JAKMIP1: variants seen among roughly 807,000 people sequenced by gnomAD.
The protein encoded by JAKMIP1 is janus kinase and microtubule-interacting protein 1.
A neutral mutation model predicts 113.0 loss-of-function variants in JAKMIP1; 33 were observed. That is an observed-to-expected ratio of 0.29 (90% CI 0.22 to 0.39). The LOEUF is 0.39. Ranked by LOEUF, JAKMIP1 falls within the 10% of genes least tolerant of loss-of-function variation. The pLI is 1.00. For synonymous variants in JAKMIP1, 480 were observed against 459.9 expected, an observed-to-expected ratio of 1.04 and a Z score of -0.56; for missense variants, 813 against 1,080.5, an observed-to-expected ratio of 0.75 and a Z score of 3.47.
In JAKMIP1 at chr4:6,136,592, C is replaced by T. The variant is rs1719285416; in HGVS notation, c.-147-23595G>A. Among the ~76,000 whole-genome samples the T allele has an allele frequency of 6.6e-6, 1 of 152,180 alleles. No individual in the cohort carries two copies. Among genetic ancestry groups the T allele is most frequent in the African/African-American group, 2.4e-5 (1 of 41,454 alleles). On this transcript the variant is annotated intron_variant, in intron 1 of 20. Transcript: ENST00000409021. The surrounding 1 kb of genome is among the most constrained non-coding windows in gnomAD (Gnocchi z 5.9). ...TCCACGGTCACACAACCAAGGATGGCTCGTGTCACCTGCACCTTGCTCGAC... is the reference window on the plus strand; with the variant it reads ...TCCACGGTCACACAACCAAGGATGGTTCGTGTCACCTGCACCTTGCTCGAC...
intron 10 of JAKMIP1, 112 bp downstream of exon 10, chr4:6,062,200 C>A: frequency 8.5e-7 from 1 of 1,176,502 alleles, no homozygotes; most frequent in Non-Finnish European, 1.3e-6. Context: ...TCCCCACCAC[C>A]TCTCAGAATC....
rs1718358944 is a variant in JAKMIP1 at position 6,067,729 on chromosome 4, CACTCA to C, written c.1303-2726_1303-2722del. ...AGGTCACCCCCCTGAGCTCCACGTT[CACTCA>C]AGCTCTTCTGCACACGCAGGTCACC... On this transcript the variant is annotated intron_variant, in intron 8 of 20. Transcript: ENST00000409021. The surrounding 1 kb of genome is among the most constrained non-coding windows in gnomAD (Gnocchi z 4.6). Among the ~76,000 whole-genome samples, 1 of 150,220 alleles carries C rather than the reference CACTCA, an allele frequency of 6.7e-6. No homozygotes were observed. Among genetic ancestry groups the C allele is most frequent in the African/African-American group, 2.5e-5 (1 of 40,168 alleles).
In JAKMIP1 at chr4:6,194,389, A is replaced by G. The variant is rs760386364; in HGVS notation, c.-148+5864T>C. On this transcript the variant is annotated intron_variant, in intron 1 of 20. Transcript: ENST00000409021. This position sits in a 1 kb window ranked among gnomAD's most constrained non-coding sequence, Gnocchi z 7.4. Reference sequence around the variant, plus strand: ...TCATTCAATACAGTCCCATGTCAGAACAAGCAGAGAGGGGTGACCAGCCAC... The same window carrying G: ...TCATTCAATACAGTCCCATGTCAGAGCAAGCAGAGAGGGGTGACCAGCCAC... The G allele has an allele frequency of 2.6e-5, 4 of 152,082 alleles. No homozygotes were observed. Among genetic ancestry groups the G allele is most frequent in the Non-Finnish European group, 4.4e-5 (3 of 68,040 alleles). The allele number at this position is 152,082 out of a possible 1,614,324, so 9.4% of individuals were successfully genotyped here. A position where few individuals can be genotyped will look rare whatever the true frequency, so the allele number is the denominator to read the frequency against.
intron 1 of JAKMIP1, among the ~76,000 whole-genome samples, chr4:6,189,265 C>G (rs1265511104): frequency 2.6e-5 from 4 of 152,166 alleles, no homozygotes; most frequent in Admixed American, 1.3e-4. Flanking sequence ...CGTAAGGTAG[C>G]GAAATGCCAG....
rs4689347 is a variant in JAKMIP1, at chr4:6,158,577, G to A, written c.-148+41676C>T. On this transcript the variant is annotated intron_variant, in intron 1 of 20. Transcript: ENST00000409021. This position sits in a 1 kb window ranked among gnomAD's most constrained non-coding sequence, Gnocchi z 5.3. ...GGATGAGGTATTCCAGAGGGCCTGC[G>A]GGAGTGGTCAACTCCATCCCATAGG... 0.011 allele frequency among the ~76,000 whole-genome samples: 1,603 copies of A among 152,244 alleles called. 45 individuals are homozygous for A. The highest frequency in any genetic ancestry group is 0.075 in the Admixed American group (1,142 of 15,286).
rs893003659 is a variant in JAKMIP1, at chr4:6,197,365, G to T, written c.-148+2888C>A. ...ATGTGGGCGTGGGAGTTTGCTCTGT[G>T]ACAAGGCTAAATGAATAAATATTCT... On this transcript the variant is annotated intron_variant, in intron 1 of 20. Coordinates refer to ENST00000409021, the MANE Select transcript of JAKMIP1 (RefSeq NM_001099433.2). The surrounding 1 kb of genome is among the most constrained non-coding windows in gnomAD (Gnocchi z 6.5). 2.0e-5 allele frequency among the ~76,000 whole-genome samples: 3 copies of T among 152,146 alleles called. No individual in the cohort carries two copies. Among genetic ancestry groups the T allele is most frequent in the African/African-American group, 7.2e-5 (3 of 41,420 alleles).
Position 6,071,654 on chromosome 4 carries a change from G to A in JAKMIP1, c.1303-6646C>T, listed in dbSNP as rs543777167. 5.3e-5 allele frequency among the ~76,000 whole-genome samples: 8 copies of A among 152,302 alleles called. No homozygotes were observed. The South Asian group carries it at 1.7e-3, about 32-fold the overall frequency. ...GCTACCCTGGACAAGGTACCCAGTC[G>A]GCCTCTGTGGCCAGGTCAGGCTCCC... On this transcript the variant is annotated intron_variant, in intron 8 of 20. Transcript: ENST00000409021.
At chr4:6,133,086 A>C (rs1413884308) in intron 1 of JAKMIP1, among the ~76,000 whole-genome samples, 1 of 152,338 alleles carries the variant, frequency 6.6e-6, no homozygotes, top group East Asian at 1.9e-4. Flanking sequence ...GTCATTATAA[A>C]AATGATACTC....
chr4:6,176,957 G>A lies in JAKMIP1; in HGVS notation c.-148+23296C>T, dbSNP rs910584911. 9.2e-5 allele frequency among the ~76,000 whole-genome samples: 14 copies of A among 152,128 alleles called. No homozygotes were observed. Among genetic ancestry groups the A allele is most frequent in the African/African-American group, 3.1e-4 (13 of 41,424 alleles). On this transcript the variant is annotated intron_variant, in intron 1 of 20. Transcript: ENST00000409021. The surrounding 1 kb of genome is among the most constrained non-coding windows in gnomAD (Gnocchi z 5.5). ...CTGAGGTGGGAGGATCGCTTGCATC[G>A]GGGAGGTTGAGGCTGCAGTGAGCCA...
rs906625042 is a variant in JAKMIP1, at chr4:6,186,570, T to C, written c.-148+13683A>G. Among the ~76,000 whole-genome samples, 3 of 152,208 alleles carry C rather than the reference T, an allele frequency of 2.0e-5. No homozygotes were observed. The highest frequency in any genetic ancestry group is 2.9e-5 in the Non-Finnish European group (2 of 68,028). ...CTTGTTTTCTCTCCTTTTAATTTTA[T>C]TGAGGTTGTATTAGGGCCTAGCATA... On this transcript the variant is annotated intron_variant, in intron 1 of 20. Coordinates refer to ENST00000409021, the MANE Select transcript of JAKMIP1 (RefSeq NM_001099433.2). This position sits in a 1 kb window ranked among gnomAD's most constrained non-coding sequence, Gnocchi z 5.5.
chr4:6,198,317 G>T (rs79836849), intron 1 of JAKMIP1, among the ~76,000 whole-genome samples: 1 of 14,562 alleles, frequency 6.9e-5, no homozygotes, highest in South Asian at 2.2e-3. Flanking sequence ...TGTTTTAGAC[G>T]GGGGGAAAAA....
chr4:6,131,376 A>C (rs1355114380), intron 1 of JAKMIP1, among the ~76,000 whole-genome samples: 5 of 151,640 alleles, frequency 3.3e-5, no homozygotes, highest in African/African-American at 4.8e-5. Flanking sequence ...CAAAAAAAAA[A>C]AAAAACAAAA....
chr4:6,138,970 G>A lies in JAKMIP1; in HGVS notation c.-147-25973C>T, dbSNP rs2108955353. Among the ~76,000 whole-genome samples, 1 of 152,182 alleles carries A rather than the reference G, an allele frequency of 6.6e-6. No homozygotes were observed. The highest frequency in any genetic ancestry group is 2.1e-4 in the South Asian group (1 of 4,822). On this transcript the variant is annotated intron_variant, in intron 1 of 20. Coordinates refer to ENST00000409021, the MANE Select transcript of JAKMIP1 (RefSeq NM_001099433.2). The surrounding 1 kb of genome is among the most constrained non-coding windows in gnomAD (Gnocchi z 6.0). Reference sequence around the variant, plus strand: ...AACTCTCACGAGCCTTCATCTGGCTGGAATATGTCTCCCCACCCCACCCTG... The same window carrying A: ...AACTCTCACGAGCCTTCATCTGGCTAGAATATGTCTCCCCACCCCACCCTG...
chr4:6,055,248 G>A (rs978388663), intron 12 of JAKMIP1, among the ~76,000 whole-genome samples: 1 of 152,160 alleles, frequency 6.6e-6, no homozygotes, highest in East Asian at 1.9e-4. Context: ...CCGGGAGGCA[G>A]GGCAGAGGGG....
At chr4:6,053,357 G>C (rs547277880) in intron 13 of JAKMIP1, among the ~76,000 whole-genome samples, 1 of 152,312 alleles carries the variant, frequency 6.6e-6, no homozygotes, top group South Asian at 2.1e-4. Context: ...GTAGTTTTGA[G>C]GTGCAGTTTG....
chr4:6,183,478 C>A lies in JAKMIP1; in HGVS notation c.-148+16775G>T, dbSNP rs868125248. The stretch of plus-strand genomic sequence containing the variant: ...TGGGTGACAGAGCAAGACTCTGTCT[C>A]AATAAATAAATAAATAAATAAATAA... On this transcript the variant is annotated intron_variant, in intron 1 of 20. Coordinates refer to ENST00000409021, the MANE Select transcript of JAKMIP1 (RefSeq NM_001099433.2). This position sits in a 1 kb window ranked among gnomAD's most constrained non-coding sequence, Gnocchi z 5.3. Among the ~76,000 whole-genome samples the A allele has an allele frequency of 8.7e-5, 11 of 126,672 alleles. No homozygotes were observed. Among genetic ancestry groups the A allele is most frequent in the Admixed American group, 2.4e-4 (3 of 12,334 alleles). The allele number at this position is 126,672 out of a possible 152,430, so 83.1% of individuals were successfully genotyped here.
At chr4:6,163,348 T>C (rs921714142) in intron 1 of JAKMIP1, among the ~76,000 whole-genome samples, 9 of 152,240 alleles carry the variant, frequency 5.9e-5, no homozygotes, top group Non-Finnish European at 1.2e-4. Flanking sequence ...TTTTCCATCA[T>C]GGTGATCTGT....
chr4:6,151,143 C>G (rs1465645303), intron 1 of JAKMIP1, among the ~76,000 whole-genome samples: 1 of 152,210 alleles, frequency 6.6e-6, no homozygotes, highest in Admixed American at 6.5e-5. Context: ...GCCCTCCCAA[C>G]TGTGACACGG....
intron 1 of JAKMIP1, among the ~76,000 whole-genome samples, chr4:6,189,473 A>G (rs1292236500): frequency 6.6e-6 from 1 of 152,232 alleles, no homozygotes; most frequent in African/African-American, 2.4e-5. Context: ...GATGCAAGCA[A>G]TGGCGAGAAC....
Sources: allele counts gnomAD v4.1 joint callset (sites outside exome capture counted in the v4.1 genomes callset), GRCh38; gene constraint gnomAD v4.1.1; non-coding constraint Gnocchi (gnomAD v3.1); transcripts MANE v1.5; gene names NCBI Gene and HGNC (gene_info 2026-07-23, HGNC 2026-07-21).